RABGAP1L: variants seen among roughly 807,000 people sequenced by gnomAD.
RABGAP1L encodes the protein RAB GTPase activating protein 1 like.
Under a neutral mutation model 137.7 loss-of-function variants are expected in RABGAP1L, and 63 were observed. The ratio of observed to expected loss-of-function variants is 0.46; its 90% CI spans 0.37 to 0.56. The LOEUF is 0.56. Among genes scored for constraint, RABGAP1L ranks in the 20% least tolerant of loss-of-function variants. RABGAP1L has a pLI of 0.00. For missense variants in RABGAP1L, 1,095 were observed against 1,244.0 expected (o/e 0.88, Z 1.80); for synonymous variants, 431 against 433.7 (o/e 0.99, Z 0.08).
At chr1:174,334,099 A>G (rs942545212) in intron 11 of RABGAP1L, among the ~76,000 whole-genome samples, 32 of 152,182 alleles carry the variant, frequency 2.1e-4, no homozygotes, top group African/African-American at 6.8e-4. Context: ...CACATGTACA[A>G]TGCAGACATG....
intron 10 of RABGAP1L, among the ~76,000 whole-genome samples, chr1:174,292,939 C>T (rs1342459718): frequency 1.3e-5 from 2 of 152,144 alleles, no homozygotes; most frequent in Non-Finnish European, 2.9e-5. Flanking sequence ...TCAGTAATCT[C>T]TATTGAGGTG....
At chr1:174,716,604 T>C (rs575916173) in intron 17 of RABGAP1L, among the ~76,000 whole-genome samples, 1 of 152,346 alleles carries the variant, frequency 6.6e-6, no homozygotes, top group South Asian at 2.1e-4. Context: ...TCTCCTACTT[T>C]TTGGGTTGTC....
chr1:174,637,243 G>A (rs1557935842), intron 13 of RABGAP1L, 132 bp from the exon 14 acceptor site: 4 of 629,696 alleles, frequency 6.4e-6, no homozygotes, highest in Non-Finnish European at 1.1e-5. Context: ...ATGGGTCTGG[G>A]ATAGAAGGGA....
intron 10 of RABGAP1L, among the ~76,000 whole-genome samples, chr1:174,297,145 G>A (rs1378521172): frequency 1.3e-5 from 2 of 152,134 alleles, no homozygotes; most frequent in Non-Finnish European, 2.9e-5. Flanking sequence ...AGTGTCTTAG[G>A]TTTATGGCTA....
At chr1:174,768,954 G>A (rs1288200675) in intron 18 of RABGAP1L, among the ~76,000 whole-genome samples, 1 of 152,074 alleles carries the variant, frequency 6.6e-6, no homozygotes, top group Non-Finnish European at 1.5e-5. Flanking sequence ...TCTTGTTCCT[G>A]ATCTCTTTTA....
chr1:174,849,364 G>C (rs1647804867), intron 19 of RABGAP1L, among the ~76,000 whole-genome samples: 1 of 152,054 alleles, frequency 6.6e-6, no homozygotes, highest in South Asian at 2.1e-4. Flanking sequence ...ATTTCCCAAG[G>C]GGCCATATGA....
intron 24 of RABGAP1L, among the ~76,000 whole-genome samples, chr1:174,987,957 G>C (rs1402247951): frequency 6.6e-6 from 1 of 152,064 alleles, no homozygotes; most frequent in African/African-American, 2.4e-5. Flanking sequence ...CTATAGGCGT[G>C]TGCCACCATG....
intron 19 of RABGAP1L, among the ~76,000 whole-genome samples, chr1:174,918,206 A>G (rs1661194689): frequency 7.0e-6 from 1 of 142,570 alleles, no homozygotes; most frequent in South Asian, 2.1e-4. Context: ...TCTGTCACTC[A>G]TCGGGCAACT....
In RABGAP1L at chr1:174,944,559, C is replaced by A. The variant is rs542350374; in HGVS notation, c.2341-12898C>A. Among the ~76,000 whole-genome samples the A allele has an allele frequency of 5.3e-5, 8 of 151,392 alleles. No homozygotes were observed. In the South Asian group the frequency reaches 1.7e-3, roughly 32 times the overall value. On this transcript the variant is annotated intron_variant, in intron 19 of 25. Transcript: ENST00000681986. ...GGCTGAGGTGAGAGGATTTCTTGAG[C>A]CTGGAAAGTCAAGGCTGAAGTGAGC...
intron 13 of RABGAP1L, among the ~76,000 whole-genome samples, chr1:174,478,765 G>A (rs555702170): frequency 3.3e-5 from 5 of 152,112 alleles, no homozygotes; most frequent in East Asian, 1.9e-4. Context: ...CTTACAAACC[G>A]TTGCTACCTA....
At chr1:174,253,691 C>A (rs1672892427) in intron 7 of RABGAP1L, among the ~76,000 whole-genome samples, 1 of 152,098 alleles carries the variant, frequency 6.6e-6, no homozygotes, top group Non-Finnish European at 1.5e-5. Flanking sequence ...GCAATCTGAA[C>A]AACAAAATAA....
intron 11 of RABGAP1L, among the ~76,000 whole-genome samples, chr1:174,313,295 A>AT (rs1572033354): frequency 6.6e-6 from 1 of 152,122 alleles, no homozygotes; most frequent in African/African-American, 2.4e-5. Flanking sequence ...AATGCTACCA[A>AT]TTTTTGTATT....
intron 19 of RABGAP1L, among the ~76,000 whole-genome samples, chr1:174,894,773 G>A (rs1656854326): frequency 6.6e-6 from 1 of 151,860 alleles, no homozygotes; most frequent in Non-Finnish European, 1.5e-5. Flanking sequence ...TTGTGTGTGT[G>A]TTTTTGAGAC....
intron 22 of RABGAP1L, among the ~76,000 whole-genome samples, chr1:174,978,532 T>G (rs932444337): frequency 6.6e-6 from 1 of 152,224 alleles, no homozygotes; most frequent in Non-Finnish European, 1.5e-5. Flanking sequence ...TGGATACTTA[T>G]TTAGCAATAT....
intron 13 of RABGAP1L, among the ~76,000 whole-genome samples, chr1:174,582,876 A>G (rs984980520): frequency 6.6e-6 from 1 of 152,200 alleles, no homozygotes; most frequent in Non-Finnish European, 1.5e-5. Context: ...TTGTTTAGAA[A>G]TCACATGTGC....
intron 3 of RABGAP1L, among the ~76,000 whole-genome samples, chr1:174,222,574 G>T (rs1669841430): frequency 6.6e-6 from 1 of 152,134 alleles, no homozygotes. Context: ...TAAAGTTCTT[G>T]GAAAACTTAG....
At chr1:174,854,390 A>T (rs1377145223) in intron 19 of RABGAP1L, among the ~76,000 whole-genome samples, 1 of 152,162 alleles carries the variant, frequency 6.6e-6, no homozygotes, top group Non-Finnish European at 1.5e-5. Context: ...TTCATAAAAC[A>T]CTAGGGGAAA....
chr1:174,407,293 C>CT (rs1423012248), intron 13 of RABGAP1L, among the ~76,000 whole-genome samples: 2 of 148,996 alleles, frequency 1.3e-5, no homozygotes, highest in Non-Finnish European at 3.0e-5. Context: ...ATTTTTGTGT[C>CT]TCTTTATGTT....
intron 19 of RABGAP1L, among the ~76,000 whole-genome samples, chr1:174,898,553 A>C (rs1271153342): frequency 1.3e-5 from 2 of 152,232 alleles, no homozygotes; most frequent in African/African-American, 4.8e-5. Context: ...TGGATTTTGA[A>C]AGTGAATGAT....
Sources: gnomAD v4.1 joint callset for allele counts (sites outside exome capture counted in the v4.1 genomes callset) on GRCh38, gnomAD v4.1.1 for gene constraint, MANE v1.5 for transcripts, NCBI Gene and HGNC (gene_info 2026-07-23, HGNC 2026-07-21) for gene names.